The following ANKRD31 variants were observed in gnomAD, a reference collection of about 807,000 sequenced individuals.
ANKRD31 encodes ankyrin repeat domain-containing protein 31.
In ANKRD31, 147 loss-of-function variants were observed where a neutral mutation model predicts 186.0. That is an observed-to-expected ratio of 0.79 (90% CI 0.69 to 0.91). The LOEUF (loss-of-function observed/expected upper bound fraction) is 0.91, where lower values mean the gene tolerates loss of function less well. Among genes scored for constraint, ANKRD31 ranks in the 40% least tolerant of loss-of-function variants. The pLI is 0.00. For missense variants in ANKRD31, 1,986 were observed against 2,148.8 expected (o/e 0.92, Z 1.50); for synonymous variants, 673 against 736.4 (o/e 0.91, Z 1.39).
chr5:75,086,322 T>C (rs998539016), intron 23 of ANKRD31, among the ~76,000 whole-genome samples: 1 of 152,102 alleles, frequency 6.6e-6, no homozygotes, highest in African/African-American at 2.4e-5. Flanking sequence ...ATTGAACAGG[T>C]TAATGAATAG....
chr5:75,216,639 T>C (rs1176321461), intron 3 of ANKRD31, among the ~76,000 whole-genome samples: 3 of 152,186 alleles, frequency 2.0e-5, no homozygotes, highest in Non-Finnish European at 4.4e-5. Flanking sequence ...ATTTATTTGA[T>C]ACACTTTCCT....
intron 25 of ANKRD31, 105 bp downstream of exon 25, chr5:75,080,463 G>T: frequency 1.6e-6 from 1 of 622,796 alleles, no homozygotes; most frequent in Non-Finnish European, 2.6e-6. Context: ...ATAATATGGA[G>T]TGATATGCAT....
At chr5:75,215,892 CAT>C (rs1344182338) in intron 3 of ANKRD31, among the ~76,000 whole-genome samples, 1 of 151,606 alleles carries the variant, frequency 6.6e-6, no homozygotes, top group Non-Finnish European at 1.5e-5. Context: ...CAGTTTCTCT[CAT>C]ATAGTTAAAT....
chr5:75,175,646 A>AC, intron 10 of ANKRD31, among the ~76,000 whole-genome samples: 1 of 147,574 alleles, frequency 6.8e-6, no homozygotes. Context: ...TACCTCAGAA[A>AC]ACACACACAC....
intron 12 of ANKRD31, among the ~76,000 whole-genome samples, chr5:75,149,550 T>C (rs1751710477): frequency 6.6e-6 from 1 of 151,804 alleles, no homozygotes; most frequent in Non-Finnish European, 1.5e-5. Context: ...AGCAAAAAGG[T>C]GCTATTCCTT....
chr5:75,206,448 G>T lies in ANKRD31; in HGVS notation c.366C>A (p.Arg122=). The T allele has an allele frequency of 6.8e-7, 1 of 1,480,408 alleles. No homozygotes were observed. 91.7% of individuals were successfully genotyped at this position (1,480,408 alleles called of 1,614,324 possible). A position where few individuals can be genotyped will look rare whatever the true frequency, so the allele number is the denominator to read the frequency against. Residue 122 remains arginine, a synonymous_variant, in exon 5 of 26, where the codon CGC becomes CGA. Coordinates refer to ENST00000506364, the MANE Select transcript of ANKRD31 (RefSeq NM_001372053.1). ...KNCSMFIGSF[R]QSGLSLNHQN... is the part of the protein sequence containing the mutation. ...GGTGGTTCAATGAAAGTCCAGACTG[G>T]CGAAACGACCCAATGAACATTGAAC... is the stretch of plus-strand genomic sequence containing the variant.
intron 3 of ANKRD31, among the ~76,000 whole-genome samples, chr5:75,213,886 T>C (rs1220802740): frequency 2.6e-5 from 4 of 152,236 alleles, no homozygotes; most frequent in African/African-American, 7.2e-5. Flanking sequence ...GAAGTCTGGC[T>C]TGCCGGATCA....
intron 10 of ANKRD31, among the ~76,000 whole-genome samples, chr5:75,176,775 GA>G (rs1249971241): frequency 6.6e-6 from 1 of 152,152 alleles, no homozygotes; most frequent in African/African-American, 2.4e-5. Context: ...AAACCACAAA[GA>G]TGGGGAAAAA....
At chr5:75,198,778 C>G (rs1755629867) in intron 6 of ANKRD31, among the ~76,000 whole-genome samples, 1 of 152,192 alleles carries the variant, frequency 6.6e-6, no homozygotes, top group Non-Finnish European at 1.5e-5. Context: ...TTACTAAGCA[C>G]CAACTAGGTG....
intron 20 of ANKRD31, among the ~76,000 whole-genome samples, chr5:75,107,887 G>A (rs1397288083): frequency 6.6e-6 from 1 of 152,132 alleles, no homozygotes; most frequent in East Asian, 1.9e-4. Context: ...GCCTGGACAT[G>A]TAACTTATAT....
chr5:75,158,445 G>A (rs1272708599), intron 11 of ANKRD31, among the ~76,000 whole-genome samples: 1 of 152,108 alleles, frequency 6.6e-6, no homozygotes, highest in Non-Finnish European at 1.5e-5. Flanking sequence ...TGTGGGTTGG[G>A]GGACTCAGGA....
At chr5:75,106,852 T>C (rs975028047) in intron 21 of ANKRD31, among the ~76,000 whole-genome samples, 5 of 151,922 alleles carry the variant, frequency 3.3e-5, no homozygotes, top group African/African-American at 1.2e-4. Flanking sequence ...GAAAATTGAT[T>C]TTTTAAAATA....
intron 25 of ANKRD31, among the ~76,000 whole-genome samples, chr5:75,069,495 A>G (rs1056618320): frequency 6.6e-6 from 1 of 152,082 alleles, no homozygotes; most frequent in Non-Finnish European, 1.5e-5. Flanking sequence ...GTCAGAACAT[A>G]TCCCATTCAG....
chr5:75,072,778 A>C (rs898453640), intron 25 of ANKRD31, among the ~76,000 whole-genome samples: 4 of 152,236 alleles, frequency 2.6e-5, no homozygotes, highest in African/African-American at 4.8e-5. Flanking sequence ...CAAGCTCCAC[A>C]AAATATGCCA....
At chr5:75,188,790 T>C (rs1368575604) in intron 9 of ANKRD31, 142 bp from the exon 10 acceptor site, 2 of 672,966 alleles carry the variant, frequency 3.0e-6, no homozygotes, top group Admixed American at 3.4e-5. Context: ...AGAAGTGAAG[T>C]ATATTATGAG....
At chr5:75,144,980 TGA>T (rs199842076) in intron 14 of ANKRD31, among the ~76,000 whole-genome samples, 28,682 of 151,756 alleles carry the variant, frequency 0.19, 3,026 homozygotes, top group South Asian at 0.39. Context: ...CCAAAAAACA[TGA>T]AAAAAAGCTC....
At chr5:75,193,767 A>C (rs1268626339) in intron 7 of ANKRD31, among the ~76,000 whole-genome samples, 176 bp from the exon 8 acceptor site, 1 of 152,224 alleles carries the variant, frequency 6.6e-6, no homozygotes, top group Non-Finnish European at 1.5e-5. Flanking sequence ...TAATTAATGT[A>C]ATAAAGGACA....
In ANKRD31 at chr5:75,146,848, T is replaced by C. The variant is rs747602037; in HGVS notation, c.2563A>G (p.Lys855Glu). 3 of 1,536,374 alleles carry C rather than the reference T, an allele frequency of 2.0e-6. No individual in the cohort carries two copies. Among genetic ancestry groups the C allele is most frequent in the Non-Finnish European group, 2.6e-6 (3 of 1,146,308 alleles). ...EIKLPVVTTD[K>E]QPHTLQEQHH... The stretch of plus-strand genomic sequence containing the variant: ...TGTTCCTGGAGAGTGTGAGGCTGCT[T>C]ATCTGTAGTAACAACTGGTAACTTG... Residue 855 changes from lysine (K) to glutamate (E), a missense_variant, in exon 14 of 26, where the codon AAG becomes GAG. Lys to Glu is a moderately conservative substitution (Grantham distance 56, BLOSUM62 1). Coordinates refer to ENST00000506364, the MANE Select transcript of ANKRD31 (RefSeq NM_001372053.1).
At chr5:75,095,451 G>A (rs768319060) in intron 22 of ANKRD31, among the ~76,000 whole-genome samples, 1 of 150,176 alleles carries the variant, frequency 6.7e-6, no homozygotes. Flanking sequence ...TCCAGTCTGG[G>A]CCACAGAGCG....
Sources: gnomAD v4.1 joint callset for allele counts (sites outside exome capture counted in the v4.1 genomes callset) on GRCh38, gnomAD v4.1.1 for gene constraint, MANE v1.5 for transcripts, NCBI Gene and HGNC (gene_info 2026-07-23, HGNC 2026-07-21) for gene names.